IL1RAPL2: variants seen among roughly 807,000 people sequenced by gnomAD.
The protein encoded by IL1RAPL2 is X-linked interleukin-1 receptor accessory protein-like 2.
Under a neutral mutation model 44.1 loss-of-function variants are expected in IL1RAPL2, and 3 were observed. That is an observed-to-expected ratio of 0.07 (90% CI 0.03 to 0.18). The LOEUF (loss-of-function observed/expected upper bound fraction) is 0.18, where lower values mean the gene tolerates loss of function less well. Among genes scored for constraint, IL1RAPL2 ranks in the 10% least tolerant of loss-of-function variants. The pLI, the probability that IL1RAPL2 is intolerant of heterozygous loss-of-function variation, is 1.00. For missense variants in IL1RAPL2, 391 were observed against 496.4 expected, an observed-to-expected ratio of 0.79 and a Z score of 2.02; for synonymous variants, 181 against 178.8, an observed-to-expected ratio of 1.01 and a Z score of -0.10.
At chrX:105,046,391 T>C (rs1395854520) in intron 2 of IL1RAPL2, among the ~76,000 whole-genome samples, 2 of 111,602 alleles carry the variant, frequency 1.8e-5, no homozygotes, top group Non-Finnish European at 3.8e-5. Flanking sequence ...GATCAGAATT[T>C]CTCTCTGGAT....
intron 2 of IL1RAPL2, among the ~76,000 whole-genome samples, chrX:104,765,594 G>C (rs1186022490): frequency 9.0e-6 from 1 of 111,613 alleles, no homozygotes; most frequent in Non-Finnish European, 1.9e-5. Context: ...CAATGCCCCA[G>C]CATTTTAAAA....
intron 2 of IL1RAPL2, among the ~76,000 whole-genome samples, chrX:104,950,817 C>A (rs770020201): frequency 9.0e-6 from 1 of 110,968 alleles, no homozygotes; most frequent in South Asian, 3.8e-4. Flanking sequence ...ACGTCATTCT[C>A]CTGCCTCAGC....
Position 105,755,246 on chromosome X carries a change from C to T in IL1RAPL2, c.1262C>T (p.Pro421Leu). 1 of 1,196,425 alleles carries T rather than the reference C, an allele frequency of 8.4e-7. No individual in the cohort carries two copies. The highest frequency in any genetic ancestry group is 1.1e-6 in the Non-Finnish European group (1 of 881,808). The stretch of plus-strand genomic sequence containing the variant: ...CAAGATACTTTAGACTGTGACAATC[C>T]TGAAGAAGAGCAGTTTGCTCTTGAA... ...VDQDTLDCDN[P>L]EEEQFALEVL... The change falls in exon 10 of 11, where the codon CCT becomes CTT. Residue 421 changes from proline to leucine, a missense_variant. Pro to Leu is a moderately conservative substitution (Grantham distance 98). Coordinates refer to ENST00000372582, the MANE Select transcript of IL1RAPL2 (RefSeq NM_017416.2).
chrX:105,132,991 A>G (rs1306676669), intron 2 of IL1RAPL2, among the ~76,000 whole-genome samples: 1 of 112,166 alleles, frequency 8.9e-6, no homozygotes, highest in Non-Finnish European at 1.9e-5. Flanking sequence ...ATTCAATAAA[A>G]ATGTTTCTAT....
At chrX:104,928,029 A>G (rs191327044) in intron 2 of IL1RAPL2, among the ~76,000 whole-genome samples, 56 of 111,720 alleles carry the variant, frequency 5.0e-4, no homozygotes, top group Middle Eastern at 4.6e-3. Flanking sequence ...TAATTATTGT[A>G]GGTTCATAGC....
intron 5 of IL1RAPL2, among the ~76,000 whole-genome samples, chrX:105,344,083 C>T (rs898223607): frequency 1.8e-4 from 20 of 110,921 alleles, no homozygotes; most frequent in African/African-American, 6.2e-4. Flanking sequence ...TCAGTAGAGA[C>T]GGGGTTTTGC....
intron 3 of IL1RAPL2, chrX:105,219,207 C>G (rs370613439): frequency 2.5e-6 from 3 of 1,208,567 alleles, no homozygotes; most frequent in Non-Finnish European, 1.1e-6. Flanking sequence ...GCAGCTGAGG[C>G]GGAACTGGTG....
intron 2 of IL1RAPL2, among the ~76,000 whole-genome samples, chrX:105,129,173 T>A (rs988846563): frequency 1.8e-5 from 2 of 110,649 alleles, no homozygotes; most frequent in African/African-American, 6.6e-5. Flanking sequence ...ACAATTCCAG[T>A]CTCACAATTC....
intron 2 of IL1RAPL2, among the ~76,000 whole-genome samples, chrX:105,130,836 C>G (rs137857247): frequency 0.03 from 3,363 of 110,859 alleles, 156 homozygotes; most frequent in African/African-American, 0.1. Flanking sequence ...ACCTCTTAAG[C>G]AAACACTCAA....
intron 2 of IL1RAPL2, among the ~76,000 whole-genome samples, chrX:104,715,355 T>C (rs1260392999): frequency 9.2e-6 from 1 of 108,316 alleles, no homozygotes; most frequent in Non-Finnish European, 1.9e-5. Context: ...ATTGTGTTTT[T>C]TTGAATCTTC....
intron 2 of IL1RAPL2, among the ~76,000 whole-genome samples, chrX:105,148,767 AG>A (rs2033200926): frequency 8.9e-6 from 1 of 111,808 alleles, no homozygotes; most frequent in Admixed American, 9.5e-5. Context: ...TAATCCTCAA[AG>A]TATTGGAATT....
At chrX:105,385,018 A>AT (rs1397255095) in intron 5 of IL1RAPL2, among the ~76,000 whole-genome samples, 2 of 110,673 alleles carry the variant, frequency 1.8e-5, no homozygotes, top group Non-Finnish European at 1.9e-5. Flanking sequence ...GTCTTTAGGG[A>AT]TTTTTTTTAA....
intron 6 of IL1RAPL2, among the ~76,000 whole-genome samples, chrX:105,493,896 C>T (rs1037384916): frequency 9.0e-6 from 1 of 111,543 alleles, no homozygotes. Context: ...GCCACAACTC[C>T]TTTTTAAATA....
In IL1RAPL2 at chrX:105,382,034, A is replaced by C. The variant is rs556636401; in HGVS notation, c.698-102279A>C. ...AAAAACCCTAGAAGAAAACTTAGGC[A>C]ATACCATTCAGGACATAGGCATGGG... On this transcript the variant is annotated intron_variant, in intron 5 of 10. Transcript: ENST00000372582. Among the ~76,000 whole-genome samples, 7 of 111,753 alleles carry C rather than the reference A, an allele frequency of 6.3e-5. 1 individual carries two copies. In the South Asian group the frequency reaches 2.6e-3, roughly 42 times the overall value.
chrX:105,045,894 T>A (rs765515503), intron 2 of IL1RAPL2, among the ~76,000 whole-genome samples: 4 of 111,259 alleles, frequency 3.6e-5, no homozygotes, highest in African/African-American at 1.3e-4. Flanking sequence ...GTACATTTAT[T>A]ACTTAGATTA....
intron 3 of IL1RAPL2, among the ~76,000 whole-genome samples, chrX:105,200,387 A>G (rs998488603): frequency 1.8e-5 from 2 of 112,098 alleles, no homozygotes; most frequent in Admixed American, 1.9e-4. Flanking sequence ...ATGGGCTGGT[A>G]ATATGAGAAT....
chrX:105,579,992 G>A (rs1463321523), intron 6 of IL1RAPL2, among the ~76,000 whole-genome samples: 4 of 111,772 alleles, frequency 3.6e-5, no homozygotes, highest in Admixed American at 9.5e-5. Context: ...AACAGGACCC[G>A]TATTGCTGTC....
chrX:104,837,866 A>G (rs1037655461), intron 2 of IL1RAPL2, among the ~76,000 whole-genome samples: 2 of 112,107 alleles, frequency 1.8e-5, no homozygotes, highest in African/African-American at 6.5e-5. Flanking sequence ...TTTGGGTTTT[A>G]CATTCAAGTC....
chrX:105,755,276 T>C lies in IL1RAPL2; in HGVS notation c.1292T>C (p.Leu431Pro). Reference sequence around the variant, plus strand: ...GAAGAGCAGTTTGCTCTTGAAGTACTGCCAGATGTCCTGGAAAAACACTAT... The same window carrying C: ...GAAGAGCAGTTTGCTCTTGAAGTACCGCCAGATGTCCTGGAAAAACACTAT... ...PEEEQFALEV[L>P]PDVLEKHYGY... The change falls in exon 10 of 11, where the codon CTG becomes CCG. Residue 431 changes from leucine (L) to proline (P), a missense_variant. By Grantham distance (98) the Leu-to-Pro change is moderately conservative. Transcript: ENST00000372582. 1 of 1,201,381 alleles carries C rather than the reference T, an allele frequency of 8.3e-7. No homozygotes were observed. The highest frequency in any genetic ancestry group is 1.1e-6 in the Non-Finnish European group (1 of 886,067).
Sources: allele counts gnomAD v4.1 joint callset (sites outside exome capture counted in the v4.1 genomes callset), GRCh38; gene constraint gnomAD v4.1.1; transcripts MANE v1.5; gene names NCBI Gene and HGNC (gene_info 2026-07-23, HGNC 2026-07-21).